The following PAXIP1 variants were observed in gnomAD, a reference collection of about 807,000 sequenced individuals.
PAXIP1 encodes the protein PAX interacting protein 1, also known as PAX-interacting protein 1.
Under a neutral mutation model 140.6 loss-of-function variants are expected in PAXIP1, and 19 were observed. That is an observed-to-expected ratio of 0.14 (90% CI 0.09 to 0.20). The LOEUF (loss-of-function observed/expected upper bound fraction) is 0.20. Among genes scored for constraint, PAXIP1 ranks in the 10% least tolerant of loss-of-function variants. The pLI is 1.00. For missense variants in PAXIP1, 920 were observed against 1,208.6 expected (o/e 0.76, Z 3.54); for synonymous variants, 442 against 444.6 (o/e 0.99, Z 0.07).
Position 154,956,980 on chromosome 7 carries a change from G to T in PAXIP1, c.2549+244C>A. On this transcript the variant is annotated intron_variant, in intron 14 of 20. Transcript: ENST00000404141. The surrounding 1 kb of genome is among the most constrained non-coding windows in gnomAD (Gnocchi z 4.2). ...CACCACTGCAACTTCTGTTTTACAT[G>T]TTGGAAAGGGGCTTCTTATAATATG... The T allele has an allele frequency of 5.9e-6, 2 of 339,560 alleles. No homozygotes were observed. The allele number at this position is 339,560 out of a possible 1,614,324, so 21.0% of individuals were successfully genotyped here.
chr7:154,994,339 T>C (rs1316780769), intron 2 of PAXIP1, among the ~76,000 whole-genome samples: 1 of 152,238 alleles, frequency 6.6e-6, no homozygotes, highest in Non-Finnish European at 1.5e-5. Context: ...TTAATTTTTA[T>C]AATTATACAA....
At position 154,946,885 on chromosome 7, in the gene PAXIP1, G is replaced by T. The variant is rs923098480; in HGVS notation, c.2923-72C>A. ...ATTTTTAGAGTACATAATTCTCATA[G>T]ATTCTGCCCTGAGATTTTTGACAAA... On this transcript the variant is annotated intron_variant, in intron 17 of 20. Coordinates refer to ENST00000404141, the MANE Select transcript of PAXIP1 (RefSeq NM_007349.4). The surrounding 1 kb of genome is among the most constrained non-coding windows in gnomAD (Gnocchi z 4.9). 2 of 1,201,958 alleles carry T rather than the reference G, an allele frequency of 1.7e-6. No homozygotes were observed. The highest frequency in any genetic ancestry group is 2.3e-6 in the Non-Finnish European group (2 of 860,600). 74.5% of individuals were successfully genotyped at this position (1,201,958 alleles called of 1,614,324 possible). A position where few individuals can be genotyped will look rare whatever the true frequency, so the allele number is the denominator to read the frequency against.
intron 17 of PAXIP1, chr7:154,947,232 T>C (rs1318853030): frequency 6.1e-6 from 1 of 163,530 alleles, no homozygotes; most frequent in Non-Finnish European, 1.3e-5. Context: ...CTCCATATTA[T>C]TTGAACTCAG....
At chr7:154,995,758 G>A (rs1810568916) in intron 2 of PAXIP1, among the ~76,000 whole-genome samples, 1 of 152,090 alleles carries the variant, frequency 6.6e-6, no homozygotes, top group African/African-American at 2.4e-5. Flanking sequence ...GCTGAGAGAG[G>A]AGAATCGCTT....
In PAXIP1 at chr7:154,946,499, C is replaced by T. The variant is rs192118427; in HGVS notation, c.3133+13G>A. The T allele has an allele frequency of 3.8e-4, 608 of 1,612,746 alleles. No homozygotes were observed. The African/African-American group carries it at 4.8e-3, about 13-fold the overall frequency. ...GTGCACACATACTCACACAGGTAAG[C>T]GGGGAAACGTACCTATGCCTCTGGC... On this transcript the variant is annotated intron_variant, in intron 19 of 20. Coordinates refer to ENST00000404141, the MANE Select transcript of PAXIP1 (RefSeq NM_007349.4). The surrounding 1 kb of genome is among the most constrained non-coding windows in gnomAD (Gnocchi z 4.9).
chr7:154,944,095 C>T lies in PAXIP1; in HGVS notation c.*54G>A. ...GGAAGCGCAGCAGCTCCTCGCCAGC[C>T]AGACAGCCAGCCCCGCACCGCAGGA... On this transcript the variant is annotated 3_prime_UTR_variant, in exon 21 of 21. Coordinates refer to ENST00000404141, the MANE Select transcript of PAXIP1 (RefSeq NM_007349.4). The T allele has an allele frequency of 6.3e-7, 1 of 1,599,616 alleles. No homozygotes were observed. The highest frequency in any genetic ancestry group is 8.6e-7 in the Non-Finnish European group (1 of 1,168,794).
chr7:154,962,504 GCA>G, intron 9 of PAXIP1, 46 bp from the exon 10 acceptor site: 1 of 1,564,792 alleles, frequency 6.4e-7, no homozygotes, highest in South Asian at 1.2e-5. Context: ...TTTTTCTGCT[GCA>G]GGATTAAAGA....
chr7:154,950,964 T>C (rs1189538942), intron 16 of PAXIP1: 1 of 152,358 alleles, frequency 6.6e-6, no homozygotes, highest in African/African-American at 2.4e-5. Context: ...TTGCCAGGGG[T>C]CAGCAGGCAG....
intron 6 of PAXIP1, among the ~76,000 whole-genome samples, chr7:154,970,304 CAT>C (rs1465893482): frequency 1.4e-4 from 21 of 152,198 alleles, no homozygotes; most frequent in African/African-American, 5.1e-4. Context: ...AAATCTCAAA[CAT>C]ATTCTAACAT....
At chr7:154,948,339 A>T in intron 16 of PAXIP1, 1 of 272,840 alleles carries the variant, frequency 3.7e-6, no homozygotes, top group South Asian at 4.3e-5. Context: ...TGATGCCAGG[A>T]GTTCGAGAAC....
At chr7:154,980,799 C>T (rs1809804677) in intron 5 of PAXIP1, among the ~76,000 whole-genome samples, 1 of 152,132 alleles carries the variant, frequency 6.6e-6, no homozygotes, top group South Asian at 2.1e-4. Flanking sequence ...TTATTAATTG[C>T]TCTCTTTCTC....
chr7:154,962,283 G>C, intron 10 of PAXIP1, 38 bp downstream of exon 10: 2 of 1,606,414 alleles, frequency 1.2e-6, no homozygotes, highest in Non-Finnish European at 1.7e-6. Context: ...AAAGTCGAAG[G>C]ATGATTTAAC....
rs1377780530 is a variant in PAXIP1 at position 154,968,753 on chromosome 7, CGA to C, written c.1446_1447del (p.His482GlnfsTer113). 2 of 718,316 alleles carry C rather than the reference CGA, an allele frequency of 2.8e-6. No individual in the cohort carries two copies. The highest frequency in any genetic ancestry group is 2.6e-6 in the Non-Finnish European group (1 of 385,636). The allele number at this position is 718,316 out of a possible 1,614,324, so 44.5% of individuals were successfully genotyped here. A position where few individuals can be genotyped will look rare whatever the true frequency, so the allele number is the denominator to read the frequency against. On this transcript the variant is annotated frameshift_variant, in exon 7 of 21. Coordinates refer to ENST00000404141, the MANE Select transcript of PAXIP1 (RefSeq NM_007349.4). LOFTEE classifies it high-confidence loss of function. ...AAAGGGCTGGAGCTGCTGCTGAGGG[CGA>C]TGCAGCTGCTGTGGAGGATGCAACT...
chr7:154,953,494 C>G (rs73728515), intron 16 of PAXIP1, among the ~76,000 whole-genome samples: 219 of 152,214 alleles, frequency 1.4e-3, no homozygotes, highest in African/African-American at 5.0e-3. Flanking sequence ...GTGTCTGAGC[C>G]TTTCAACCCA....
In PAXIP1 at chr7:154,956,091, G is replaced by C. The variant is rs529494952; in HGVS notation, c.2550-460C>G. On this transcript the variant is annotated intron_variant, in intron 14 of 20. Transcript: ENST00000404141. The surrounding 1 kb of genome is among the most constrained non-coding windows in gnomAD (Gnocchi z 4.2). ...ATACAAGTCAGCCAAGACGAGTGTCGCTAGAGCTTCCAGTGTCTTTCACAT... is the reference window on the plus strand; with the variant it reads ...ATACAAGTCAGCCAAGACGAGTGTCCCTAGAGCTTCCAGTGTCTTTCACAT... Among the ~76,000 whole-genome samples the C allele has an allele frequency of 3.9e-5, 6 of 152,128 alleles. No individual in the cohort carries two copies.
intron 16 of PAXIP1, among the ~76,000 whole-genome samples, chr7:154,953,294 C>A (rs1016597036): frequency 6.6e-6 from 1 of 152,096 alleles, no homozygotes; most frequent in African/African-American, 2.4e-5. Flanking sequence ...TGCGAGAACA[C>A]GTCAATATAG....
Position 154,958,733 on chromosome 7 carries a change from C to G in PAXIP1, c.2478+1157G>C, listed in dbSNP as rs147625872. On this transcript the variant is annotated intron_variant, in intron 13 of 20. Transcript: ENST00000404141. ...GATTTTTAGCTTTTAATTACTGATACAAAGCCACAAGAGAAGCTGACATTT... is the reference window on the plus strand; with the variant it reads ...GATTTTTAGCTTTTAATTACTGATAGAAAGCCACAAGAGAAGCTGACATTT... Among the ~76,000 whole-genome samples the G allele has an allele frequency of 2.2e-4, 33 of 152,214 alleles. No individual in the cohort carries two copies. The East Asian group carries it at 6.4e-3, about 29-fold the overall frequency.
chr7:154,972,551 C>T (rs780976558), intron 6 of PAXIP1, among the ~76,000 whole-genome samples: 12 of 152,214 alleles, frequency 7.9e-5, no homozygotes, highest in African/African-American at 2.9e-4. Context: ...AACTGACCAA[C>T]ACTTTTTGAC....
At position 154,983,348 on chromosome 7, in the gene PAXIP1, AAAG is replaced by A. The variant is rs760335103; in HGVS notation, c.325-19_325-17del. 8 of 1,313,166 alleles carry A rather than the reference AAAG, an allele frequency of 6.1e-6. No individual in the cohort carries two copies. In the East Asian group the frequency reaches 1.8e-4, roughly 30 times the overall value. The allele number at this position is 1,313,166 out of a possible 1,614,324, so 81.3% of individuals were successfully genotyped here. A position where few individuals can be genotyped will look rare whatever the true frequency, so the allele number is the denominator to read the frequency against. On this transcript the variant is annotated splice_polypyrimidine_tract_variant and intron_variant, in intron 4 of 20. Transcript: ENST00000404141. ...CAGATGACACCTGACAGAAAGTTAG[AAAG>A]AAGGCTTTTACCATACATTTCAATC...
Sources: gnomAD v4.1 joint callset for allele counts (sites outside exome capture counted in the v4.1 genomes callset) on GRCh38, gnomAD v4.1.1 for gene constraint, Gnocchi (gnomAD v3.1) non-coding constraint, MANE v1.5 for transcripts, NCBI Gene and HGNC (gene_info 2026-07-23, HGNC 2026-07-21) for gene names.